CDK8: variants seen among roughly 807,000 people sequenced by gnomAD.
The protein encoded by CDK8 is cyclin dependent kinase 8.
Under a neutral mutation model 71.5 loss-of-function variants are expected in CDK8, and 29 were observed. That is an observed-to-expected ratio of 0.41 (90% CI 0.30 to 0.55). CDK8 has a LOEUF of 0.55. CDK8 is among the 20% of genes least tolerant of loss of function. The pLI is 0.37. For synonymous variants in CDK8, 161 were observed against 192.1 expected, an observed-to-expected ratio of 0.84 and a Z score of 1.34; for missense variants, 288 against 572.6, an observed-to-expected ratio of 0.50 and a Z score of 5.07.
chr13:26,303,827 T>TA (rs1873922609), intron 1 of CDK8, among the ~76,000 whole-genome samples: 2 of 152,344 alleles, frequency 1.3e-5, no homozygotes, highest in South Asian at 4.1e-4. Context: ...GTTAAAATGT[T>TA]ATCATCATAA....
At chr13:26,337,866 AATAC>A (rs1873059563) in intron 2 of CDK8, among the ~76,000 whole-genome samples, 1 of 152,100 alleles carries the variant, frequency 6.6e-6, no homozygotes, top group East Asian at 1.9e-4. Flanking sequence ...TGTTTATATA[AATAC>A]ATGTTTTCCC....
intron 3 of CDK8, among the ~76,000 whole-genome samples, chr13:26,351,196 A>T (rs1210073978): frequency 6.6e-6 from 1 of 152,152 alleles, no homozygotes; most frequent in Non-Finnish European, 1.5e-5. Flanking sequence ...TTTTTAAATG[A>T]TATTTAATAA....
chr13:26,347,509 G>A (rs1873508927), intron 2 of CDK8, among the ~76,000 whole-genome samples: 2 of 152,088 alleles, frequency 1.3e-5, no homozygotes, highest in South Asian at 4.1e-4. Flanking sequence ...TTGCAGAATG[G>A]GAGAAAGTTT....
chr13:26,329,604 G>A (rs1875210682), intron 1 of CDK8, among the ~76,000 whole-genome samples: 2 of 151,840 alleles, frequency 1.3e-5, no homozygotes, highest in African/African-American at 4.8e-5. Context: ...CCGGGTTCAA[G>A]TGATTCTCCT....
chr13:26,349,718 G>A (rs915202057), intron 3 of CDK8, among the ~76,000 whole-genome samples: 38 of 151,940 alleles, frequency 2.5e-4, no homozygotes, highest in Admixed American at 1.6e-3. Flanking sequence ...TTTTAACAAC[G>A]TTTTTCTGAG....
intron 1 of CDK8, among the ~76,000 whole-genome samples, chr13:26,263,749 CTTTT>C (rs577266586): frequency 7.6e-6 from 1 of 131,930 alleles, no homozygotes. Context: ...AAAAGACTCC[CTTTT>C]TTTTTTTTTT....
In CDK8 at chr13:26,404,209, C is replaced by T. The variant is rs1876406970; in HGVS notation, c.*128C>T. 1.9e-6 allele frequency: 2 copies of T among 1,066,556 alleles called. No homozygotes were observed. The highest frequency in any genetic ancestry group is 1.7e-5 in the South Asian group (1 of 60,280). 66.1% of individuals were successfully genotyped at this position (1,066,556 alleles called of 1,614,324 possible). A position where few individuals can be genotyped will look rare whatever the true frequency, so the allele number is the denominator to read the frequency against. On this transcript the variant is annotated 3_prime_UTR_variant, in exon 13 of 13. Transcript: ENST00000381527. ...CCACATCTTCAAAATGTCCAGTAGC[C>T]AAGTTCCACCACTTTTCACAGATTG... is the stretch of plus-strand genomic sequence containing the variant.
At chr13:26,355,760 T>C (rs1017156345) in intron 4 of CDK8, among the ~76,000 whole-genome samples, 2 of 152,190 alleles carry the variant, frequency 1.3e-5, no homozygotes, top group Non-Finnish European at 2.9e-5. Flanking sequence ...TACCAGTCCT[T>C]TTTATGATCT....
intron 4 of CDK8, chr13:26,359,613 G>A (rs1874046514): frequency 8.5e-5 from 20 of 234,986 alleles, no homozygotes; most frequent in South Asian, 8.2e-4. Context: ...AAAACACATG[G>A]GCAAGGGCAT....
chr13:26,324,305 C>T (rs1593264287), intron 1 of CDK8, among the ~76,000 whole-genome samples: 2 of 152,048 alleles, frequency 1.3e-5, no homozygotes, highest in East Asian at 1.9e-4. Context: ...CAACAACTAG[C>T]ATTCATAAAA....
At chr13:26,400,927 G>T (rs1331444462) in intron 10 of CDK8, among the ~76,000 whole-genome samples, 1 of 152,082 alleles carries the variant, frequency 6.6e-6, no homozygotes, top group Non-Finnish European at 1.5e-5. Flanking sequence ...GTAGTAGGAA[G>T]GGTAAAACAA....
chr13:26,358,115 G>A (rs1873973738), intron 4 of CDK8, among the ~76,000 whole-genome samples: 1 of 151,926 alleles, frequency 6.6e-6, no homozygotes, highest in Non-Finnish European at 1.5e-5. Flanking sequence ...CTAACATGGT[G>A]AAACCCTATC....
intron 4 of CDK8, chr13:26,359,103 C>T: frequency 4.6e-6 from 1 of 219,124 alleles, no homozygotes; most frequent in South Asian, 5.4e-5. Context: ...GGACATTATA[C>T]TAAGTGAAAT....
At position 26,404,016 on chromosome 13, in the gene CDK8, A is replaced by T; in HGVS notation, c.1330A>T (p.Ser444Cys). ...ACCAAGCACATCACAGCCGCAGAGC[A>T]GCATGGGATACTCAGCTACCTCCCA... ...PGPSTSQPQS[S>C]MGYSATSQQP... Residue 444 changes from serine to cysteine, a missense_variant, in exon 13 of 13, where the codon AGC (serine) becomes TGC (cysteine). By Grantham distance (112) the Ser-to-Cys change is moderately radical (BLOSUM62 -1). Coordinates refer to ENST00000381527, the MANE Select transcript of CDK8 (RefSeq NM_001260.3). The T allele has an allele frequency of 1.2e-6, 2 of 1,614,050 alleles. No individual in the cohort carries two copies. Among genetic ancestry groups the T allele is most frequent in the Non-Finnish European group, 1.7e-6 (2 of 1,180,006 alleles).
chr13:26,361,909 C>T (rs1227796729), intron 4 of CDK8, among the ~76,000 whole-genome samples: 1 of 148,626 alleles, frequency 6.7e-6, no homozygotes, highest in Non-Finnish European at 1.5e-5. Context: ...GGATTACAGG[C>T]CTGAGCCACC....
In CDK8 at chr13:26,401,287, A is replaced by G. The variant is rs1480308705; in HGVS notation, c.1050A>G (p.Gln350=). 6.2e-7 allele frequency: 1 copy of G among 1,613,940 alleles called. No homozygotes were observed. The highest frequency in any genetic ancestry group is 8.5e-7 in the Non-Finnish European group (1 of 1,179,956). ...TGATCAGCGTTTTTGCCGGTTGTCAAATCCCTTACCCAAAACGAGAATTTT... is the reference window on the plus strand; with the variant it reads ...TGATCAGCGTTTTTGCCGGTTGTCAGATCCCTTACCCAAAACGAGAATTTT... ...LPTSDVFAGC[Q]IPYPKREFLT... is the part of the protein sequence containing the mutation. The change falls in exon 11 of 13, where the codon CAA becomes CAG. Residue 350 remains glutamine (Q), a synonymous_variant. Transcript: ENST00000381527. This position sits in a 1 kb window ranked among gnomAD's most constrained non-coding sequence, Gnocchi z 4.5.
At chr13:26,334,791 G>C (rs1187415334) in intron 1 of CDK8, among the ~76,000 whole-genome samples, 2 of 152,186 alleles carry the variant, frequency 1.3e-5, no homozygotes, top group African/African-American at 4.8e-5. Context: ...TACTACCGAA[G>C]TCTCCAGTGC....
chr13:26,313,472 A>G (rs1249478540), intron 1 of CDK8, among the ~76,000 whole-genome samples: 1 of 152,176 alleles, frequency 6.6e-6, no homozygotes, highest in Non-Finnish European at 1.5e-5. Flanking sequence ...AGTAGGGAAG[A>G]CGTGTTTGGG....
intron 1 of CDK8, among the ~76,000 whole-genome samples, chr13:26,261,127 G>A (rs1871750943): frequency 1.3e-5 from 2 of 152,046 alleles, no homozygotes; most frequent in African/African-American, 2.4e-5. Flanking sequence ...GCTTTTACCT[G>A]TTGTTTTGAC....
Sources: gnomAD v4.1 joint callset for allele counts (sites outside exome capture counted in the v4.1 genomes callset) on GRCh38, gnomAD v4.1.1 for gene constraint, Gnocchi (gnomAD v3.1) non-coding constraint, MANE v1.5 for transcripts, NCBI Gene and HGNC (gene_info 2026-07-23, HGNC 2026-07-21) for gene names.